The following PSMB7 variants were observed in gnomAD, a reference collection of about 807,000 sequenced individuals.
PSMB7 encodes proteasome 20S subunit beta 7.
Under a neutral mutation model 28.1 loss-of-function variants are expected in PSMB7, and 5 were observed. The ratio of observed to expected loss-of-function variants is 0.18; its 90% CI spans 0.09 to 0.37. The LOEUF (loss-of-function observed/expected upper bound fraction) is 0.37. Ranked by LOEUF, PSMB7 falls within the 10% of genes least tolerant of loss-of-function variation. The probability of loss-of-function intolerance (pLI) is 1.00; values close to 1 mark genes in which losing one functional copy is unlikely to be tolerated. For synonymous variants in PSMB7, 122 were observed against 123.7 expected (o/e 0.99, Z 0.09); for missense variants, 275 against 346.2 (o/e 0.79, Z 1.63).
intron 3 of PSMB7, 40 bp downstream of exon 3, chr9:124,413,868 T>G: frequency 4.2e-6 from 6 of 1,418,434 alleles, no homozygotes; most frequent in Non-Finnish European, 5.9e-6. Flanking sequence ...CCCTGACATG[T>G]TTGAAAATAT....
chr9:124,393,595 G>C (rs1395948255), intron 5 of PSMB7, among the ~76,000 whole-genome samples: 1 of 152,204 alleles, frequency 6.6e-6, no homozygotes, highest in African/African-American at 2.4e-5. Flanking sequence ...AAAAAACGGA[G>C]TTCCTTTTCT....
At chr9:124,387,131 A>G (rs941160439) in intron 5 of PSMB7, among the ~76,000 whole-genome samples, 4 of 152,150 alleles carry the variant, frequency 2.6e-5, no homozygotes, top group Admixed American at 2.6e-4. Flanking sequence ...CTGTAGTCCC[A>G]GCTACGCAGG....
chr9:124,411,839 C>T (rs1378589560), intron 4 of PSMB7, among the ~76,000 whole-genome samples: 4 of 152,232 alleles, frequency 2.6e-5, no homozygotes, highest in East Asian at 1.9e-4. Flanking sequence ...GTGCATAAAG[C>T]GCTTTAGCAT....
chr9:124,400,683 C>T (rs1391179624), intron 5 of PSMB7, among the ~76,000 whole-genome samples: 3 of 152,328 alleles, frequency 2.0e-5, no homozygotes, highest in Non-Finnish European at 4.4e-5. Context: ...GAGCCACCTG[C>T]TATACTTTTC....
intron 7 of PSMB7, among the ~76,000 whole-genome samples, chr9:124,354,667 G>A (rs760608243): frequency 6.6e-6 from 1 of 152,032 alleles, no homozygotes; most frequent in Non-Finnish European, 1.5e-5. Context: ...AGCCTCCCCC[G>A]ACCCCCACCC....
intron 5 of PSMB7, among the ~76,000 whole-genome samples, chr9:124,390,752 T>TA (rs1247723012): frequency 1.3e-5 from 2 of 152,104 alleles, no homozygotes; most frequent in South Asian, 4.1e-4. Flanking sequence ...TTTTAAGGTA[T>TA]AAAAAATTGA....
intron 6 of PSMB7, among the ~76,000 whole-genome samples, chr9:124,362,334 T>C (rs539636044): frequency 6.6e-6 from 1 of 152,302 alleles, no homozygotes; most frequent in South Asian, 2.1e-4. Flanking sequence ...CTCCCCCAGC[T>C]CCAAGGGTTT....
At chr9:124,400,913 C>T (rs1830896996) in intron 5 of PSMB7, among the ~76,000 whole-genome samples, 1 of 152,110 alleles carries the variant, frequency 6.6e-6, no homozygotes, top group African/African-American at 2.4e-5. Context: ...ATGGTGTAGC[C>T]ACATAATACA....
At chr9:124,410,459 A>G (rs1356811546) in intron 4 of PSMB7, among the ~76,000 whole-genome samples, 1 of 152,194 alleles carries the variant, frequency 6.6e-6, no homozygotes, top group African/African-American at 2.4e-5. Flanking sequence ...ATCGTGTAGA[A>G]AAAAAGTTTT....
intron 4 of PSMB7, among the ~76,000 whole-genome samples, chr9:124,411,875 G>A (rs1022480296): frequency 2.6e-5 from 4 of 151,436 alleles, no homozygotes; most frequent in African/African-American, 4.9e-5. Flanking sequence ...GTAAGAGGTA[G>A]ATAAAGGTTG....
intron 5 of PSMB7, among the ~76,000 whole-genome samples, chr9:124,386,690 A>G (rs949204447): frequency 6.6e-6 from 1 of 152,236 alleles, no homozygotes; most frequent in Non-Finnish European, 1.5e-5. Flanking sequence ...GAAGACAGGT[A>G]TTTAGCTAGG....
chr9:124,353,770 A>G, intron 7 of PSMB7, 61 bp from the exon 8 acceptor site: 2 of 1,251,722 alleles, frequency 1.6e-6, no homozygotes, highest in Non-Finnish European at 2.3e-6. Context: ...AGAGGGCAGA[A>G]GACAGTGAAA....
At chr9:124,381,013 A>G (rs1424460462) in intron 6 of PSMB7, among the ~76,000 whole-genome samples, 2 of 152,244 alleles carry the variant, frequency 1.3e-5, no homozygotes, top group Non-Finnish European at 2.9e-5. Flanking sequence ...ACCATTTAAC[A>G]TATAATCAGT....
chr9:124,409,426 G>T (rs985362229), intron 4 of PSMB7, among the ~76,000 whole-genome samples: 2 of 152,178 alleles, frequency 1.3e-5, no homozygotes, highest in African/African-American at 4.8e-5. Flanking sequence ...CAACAAGGAG[G>T]TTCCATGCTC....
chr9:124,364,637 T>TTC (rs574482554), intron 6 of PSMB7, among the ~76,000 whole-genome samples: 3 of 151,942 alleles, frequency 2.0e-5, no homozygotes, highest in Non-Finnish European at 2.9e-5. Context: ...CTCATCACAT[T>TTC]TCTCTCTCTC....
At chr9:124,384,916 C>T (rs1039269430) in intron 5 of PSMB7, among the ~76,000 whole-genome samples, 1 of 152,170 alleles carries the variant, frequency 6.6e-6, no homozygotes, top group African/African-American at 2.4e-5. Context: ...AAATTATTCA[C>T]AATAAAATGC....
intron 6 of PSMB7, among the ~76,000 whole-genome samples, chr9:124,366,566 G>A (rs1313165590): frequency 6.6e-6 from 1 of 152,228 alleles, no homozygotes; most frequent in Non-Finnish European, 1.5e-5. Flanking sequence ...TTTTCTGTGT[G>A]TAAATTTAGT....
chr9:124,361,632 G>C (rs1176187135), intron 6 of PSMB7, among the ~76,000 whole-genome samples: 1 of 152,212 alleles, frequency 6.6e-6, no homozygotes, highest in Non-Finnish European at 1.5e-5. Flanking sequence ...GATGATTTAT[G>C]TGTTGTAATG....
chr9:124,384,286 CA>C (rs1044255812), intron 6 of PSMB7: 62 of 316,600 alleles, frequency 2.0e-4, no homozygotes, highest in Non-Finnish European at 3.0e-4. Context: ...GATATCGTGA[CA>C]CAGAAAGCTT....
Sources: allele counts gnomAD v4.1 joint callset (sites outside exome capture counted in the v4.1 genomes callset), GRCh38; gene constraint gnomAD v4.1.1; transcripts MANE v1.5; gene names NCBI Gene and HGNC (gene_info 2026-07-23, HGNC 2026-07-21).